NELL2: variants seen among roughly 807,000 people sequenced by gnomAD.
The protein encoded by NELL2 is protein kinase C-binding protein NELL2.
In NELL2, 41 loss-of-function variants were observed where a neutral mutation model predicts 109.6. That is an observed-to-expected ratio of 0.37 (90% confidence interval 0.29 to 0.49). The LOEUF (loss-of-function observed/expected upper bound fraction) is 0.49, where lower values mean the gene tolerates loss of function less well. NELL2 is among the 20% of genes least tolerant of loss of function. The pLI is 0.98. For missense variants in NELL2, 900 were observed against 1,008.3 expected (o/e 0.89, Z 1.45); for synonymous variants, 355 against 344.7 (o/e 1.03, Z -0.33).
At chr12:44,743,481 G>GC (rs1248954033) in intron 9 of NELL2, among the ~76,000 whole-genome samples, 22 of 145,682 alleles carry the variant, frequency 1.5e-4, no homozygotes, top group African/African-American at 5.7e-4. Flanking sequence ...TGGGCTAAAT[G>GC]CCCCAATTAA....
At chr12:44,854,701 T>C (rs1944630640) in intron 2 of NELL2, among the ~76,000 whole-genome samples, 1 of 147,064 alleles carries the variant, frequency 6.8e-6, no homozygotes, top group Non-Finnish European at 1.5e-5. Flanking sequence ...GATGGGTGGA[T>C]GGATGGGTGG....
In NELL2 at chr12:44,876,044, C is replaced by T; in HGVS notation, c.-175G>A. ...CTAAGAAAGAAAAGGGAGGCCTCCC[C>T]AGGCGCGTGAAGAACTTAGACCCTC... On this transcript the variant is annotated 5_prime_UTR_variant, in exon 1 of 20. It introduces an in-frame stop codon into an upstream open reading frame of the 5' UTR. Transcript: ENST00000429094. The T allele has an allele frequency of 6.8e-7, 1 of 1,474,624 alleles. No individual in the cohort carries two copies. Among genetic ancestry groups the T allele is most frequent in the South Asian group, 1.4e-5 (1 of 72,834 alleles). The allele number at this position is 1,474,624 out of a possible 1,614,324, so 91.3% of individuals were successfully genotyped here.
chr12:44,668,970 A>G (rs539455906), intron 12 of NELL2, among the ~76,000 whole-genome samples: 1 of 152,046 alleles, frequency 6.6e-6, no homozygotes, highest in Non-Finnish European at 1.5e-5. Flanking sequence ...GCTGGTGCCC[A>G]TGAAGGCCAC....
Position 44,649,969 on chromosome 12 carries a change from C to G in NELL2, c.1444+15515G>C, listed in dbSNP as rs1354358281. 3.3e-5 allele frequency among the ~76,000 whole-genome samples: 5 copies of G among 152,144 alleles called. No homozygotes were observed. In the South Asian group the frequency reaches 8.3e-4, roughly 25 times the overall value. ...AAAGGAAGGGTAATACCACTAATTACAATGTGTGTAAAGGGAAGCTGAATA... is the reference window on the plus strand; with the variant it reads ...AAAGGAAGGGTAATACCACTAATTAGAATGTGTGTAAAGGGAAGCTGAATA... On this transcript the variant is annotated intron_variant, in intron 13 of 19. Transcript: ENST00000429094.
chr12:44,552,391 A>T (rs1200576740), intron 15 of NELL2, among the ~76,000 whole-genome samples: 1 of 151,980 alleles, frequency 6.6e-6, no homozygotes, highest in Non-Finnish European at 1.5e-5. Flanking sequence ...AAGCCTTAAA[A>T]GTGCTAAAAA....
At chr12:44,598,161 C>A (rs1235191660) in intron 15 of NELL2, among the ~76,000 whole-genome samples, 1 of 77,320 alleles carries the variant, frequency 1.3e-5, no homozygotes, top group Non-Finnish European at 2.2e-5. Flanking sequence ...AATTTATTCT[C>A]TCAAAAAAAA....
At chr12:44,858,678 A>C (rs1249805784) in intron 2 of NELL2, among the ~76,000 whole-genome samples, 1 of 152,204 alleles carries the variant, frequency 6.6e-6, no homozygotes, top group East Asian at 1.9e-4. Context: ...GTTTGCTTAG[A>C]AAATGTTTCC....
chr12:44,879,287 C>A (rs1945384474), upstream of NELL2, among the ~76,000 whole-genome samples: 1 of 152,170 alleles, frequency 6.6e-6, no homozygotes, highest in Admixed American at 6.5e-5. Context: ...GACTTCTGAA[C>A]AACCATCCGT....
At chr12:44,700,315 C>T (rs1056152773) in intron 12 of NELL2, among the ~76,000 whole-genome samples, 20 of 152,194 alleles carry the variant, frequency 1.3e-4, no homozygotes, top group African/African-American at 4.8e-4. Flanking sequence ...CCTGTTCATC[C>T]TACAGCTGGA....
intron 13 of NELL2, among the ~76,000 whole-genome samples, chr12:44,660,469 G>A (rs186411795): frequency 6.6e-6 from 1 of 152,128 alleles, no homozygotes; most frequent in Non-Finnish European, 1.5e-5. Context: ...ATTACAGGAT[G>A]TTTAGTTGCA....
chr12:44,792,117 T>C (rs1942458797), intron 3 of NELL2, among the ~76,000 whole-genome samples: 1 of 152,124 alleles, frequency 6.6e-6, no homozygotes, highest in African/African-American at 2.4e-5. Context: ...CAAACGCCAT[T>C]GACAGGTTAA....
chr12:44,778,082 C>T (rs1377746160), intron 5 of NELL2, among the ~76,000 whole-genome samples: 4 of 152,136 alleles, frequency 2.6e-5, no homozygotes, highest in East Asian at 1.9e-4. Context: ...ATCTGCCACA[C>T]TCCCCCCATT....
intron 16 of NELL2, among the ~76,000 whole-genome samples, chr12:44,528,628 T>C (rs1941909094): frequency 6.6e-6 from 1 of 152,248 alleles, no homozygotes; most frequent in Non-Finnish European, 1.5e-5. Context: ...ATTGGAGATA[T>C]GATAGCTGAC....
chr12:44,852,136 A>C (rs1404277763), intron 2 of NELL2, among the ~76,000 whole-genome samples: 1 of 152,182 alleles, frequency 6.6e-6, no homozygotes, highest in African/African-American at 2.4e-5. Context: ...CGTCAATATC[A>C]ACAGTGGATT....
intron 15 of NELL2, among the ~76,000 whole-genome samples, chr12:44,598,478 T>A (rs1251939114): frequency 6.6e-6 from 1 of 152,178 alleles, no homozygotes; most frequent in African/African-American, 2.4e-5. Context: ...TCTCTCATCA[T>A]AAGTTTCACC....
chr12:44,662,464 A>G (rs1947779980), intron 13 of NELL2, among the ~76,000 whole-genome samples: 1 of 152,172 alleles, frequency 6.6e-6, no homozygotes, highest in African/African-American at 2.4e-5. Context: ...TAGATGTTTA[A>G]CTATGGATAA....
At chr12:44,876,927 T>G (rs1945345048), upstream of NELL2, 2 of 1,233,300 alleles carry the variant, frequency 1.6e-6, no homozygotes, top group African/African-American at 1.5e-5. Context: ...GGCGGGGCGC[T>G]GGAGAGCTTC....
intron 15 of NELL2, among the ~76,000 whole-genome samples, chr12:44,538,372 C>G (rs187040730): frequency 1.3e-5 from 2 of 152,308 alleles, no homozygotes; most frequent in African/African-American, 4.8e-5. Context: ...GTAACTGGCT[C>G]GTAAGAGGTA....
At chr12:44,903,125 G>A (rs1302916305) in intron 1 of NELL2, among the ~76,000 whole-genome samples, 1 of 152,082 alleles carries the variant, frequency 6.6e-6, no homozygotes, top group Non-Finnish European at 1.5e-5. Flanking sequence ...TACAGAATGG[G>A]AGAAAATTTT....
Sources: allele counts gnomAD v4.1 joint callset (sites outside exome capture counted in the v4.1 genomes callset), GRCh38; gene constraint gnomAD v4.1.1; transcripts MANE v1.5; gene names NCBI Gene and HGNC (gene_info 2026-07-23, HGNC 2026-07-21).